EBF1: variants seen among roughly 807,000 people sequenced by gnomAD.
EBF1 encodes EBF transcription factor 1.
In EBF1, 10 loss-of-function variants were observed where a neutral mutation model predicts 68.4. That is an observed-to-expected ratio of 0.15 (90% CI 0.09 to 0.25). EBF1 has a LOEUF of 0.25. Ranked by LOEUF, EBF1 falls within the 10% of genes least tolerant of loss-of-function variation. The pLI is 1.00. For missense variants in EBF1, 509 were observed against 794.4 expected, an observed-to-expected ratio of 0.64 and a Z score of 4.32; for synonymous variants, 298 against 299.8, an observed-to-expected ratio of 0.99 and a Z score of 0.06.
intron 6 of EBF1, among the ~76,000 whole-genome samples, chr5:158,957,725 C>T (rs188506394): frequency 2.6e-5 from 4 of 152,328 alleles, no homozygotes; most frequent in East Asian, 3.9e-4. Flanking sequence ...CCCTATTCTG[C>T]CATGGACGCT....
At chr5:158,715,162 G>T (rs1445357927) in intron 11 of EBF1, among the ~76,000 whole-genome samples, 3 of 152,224 alleles carry the variant, frequency 2.0e-5, no homozygotes, top group Non-Finnish European at 2.9e-5. Flanking sequence ...AAACGTAAGG[G>T]TGTGGTAGGA....
chr5:158,741,341 G>A (rs1286632704), intron 10 of EBF1, among the ~76,000 whole-genome samples: 1 of 152,148 alleles, frequency 6.6e-6, no homozygotes, highest in African/African-American at 2.4e-5. Context: ...TTGGGAGGCT[G>A]AGGCAGAAGG....
chr5:159,089,603 T>TA (rs1781269399), intron 4 of EBF1, among the ~76,000 whole-genome samples: 1 of 152,148 alleles, frequency 6.6e-6, no homozygotes, highest in Non-Finnish European at 1.5e-5. Context: ...ACTTTTCTAA[T>TA]AGTTTTAACT....
rs956049730 is a variant in EBF1, at chr5:158,698,052, G to A, written c.*1059C>T. On this transcript the variant is annotated 3_prime_UTR_variant, in exon 16 of 16. Transcript: ENST00000313708. ...AAATGGTAAGGGTCGACTGATAGAG[G>A]CAGTATCTGGAATGGGAAAATCGAA... 8 of 216,096 alleles carry A rather than the reference G, an allele frequency of 3.7e-5. No homozygotes were observed. The highest frequency in any genetic ancestry group is 6.5e-5 in the Non-Finnish European group (7 of 107,346). The allele number at this position is 216,096 out of a possible 1,614,324, so 13.4% of individuals were successfully genotyped here.
At chr5:159,099,195 C>T in intron 1 of EBF1, 150 bp downstream of exon 1, 1 of 524,860 alleles carries the variant, frequency 1.9e-6, no homozygotes, top group Non-Finnish European at 2.8e-6. Context: ...CTGGAGAGCG[C>T]GGAGCCCCGG....
chr5:158,751,399 C>CT (rs1166391941), intron 10 of EBF1, among the ~76,000 whole-genome samples: 1 of 152,070 alleles, frequency 6.6e-6, no homozygotes, highest in Non-Finnish European at 1.5e-5. Context: ...ACTGATGCCT[C>CT]TTTGGAACCT....
chr5:158,926,650 G>A (rs1238728361), intron 6 of EBF1, among the ~76,000 whole-genome samples: 1 of 151,654 alleles, frequency 6.6e-6, no homozygotes, highest in Non-Finnish European at 1.5e-5. Flanking sequence ...CTTGAACCCA[G>A]GAGGCAGAGG....
At chr5:158,917,405 T>C (rs779410479) in intron 6 of EBF1, among the ~76,000 whole-genome samples, 1 of 152,212 alleles carries the variant, frequency 6.6e-6, no homozygotes, top group Non-Finnish European at 1.5e-5. Flanking sequence ...TACCCCCATC[T>C]GTAAACCTCC....
At chr5:158,948,213 A>G (rs924971091) in intron 6 of EBF1, among the ~76,000 whole-genome samples, 23 of 151,742 alleles carry the variant, frequency 1.5e-4, no homozygotes, top group Admixed American at 5.9e-4. Flanking sequence ...TGCTGGGGGG[A>G]GATCTGGGTT....
intron 5 of EBF1, chr5:159,073,686 G>C: frequency 1.9e-6 from 1 of 537,688 alleles, no homozygotes; most frequent in Non-Finnish European, 3.3e-6. Flanking sequence ...TGGGGGAGAG[G>C]GGCTCTCCCA....
intron 6 of EBF1, among the ~76,000 whole-genome samples, chr5:158,965,540 T>A (rs555670252): frequency 6.6e-6 from 1 of 152,338 alleles, no homozygotes; most frequent in African/African-American, 2.4e-5. Flanking sequence ...TAAATCACGG[T>A]GATTCACTTA....
intron 6 of EBF1, among the ~76,000 whole-genome samples, chr5:158,848,409 T>C (rs1791960451): frequency 6.6e-6 from 1 of 152,232 alleles, no homozygotes; most frequent in African/African-American, 2.4e-5. Context: ...TTCACTAGAT[T>C]ATAGCCAATT....
chr5:158,803,230 T>C (rs919557165), intron 8 of EBF1, among the ~76,000 whole-genome samples: 1 of 152,080 alleles, frequency 6.6e-6, no homozygotes, highest in Non-Finnish European at 1.5e-5. Flanking sequence ...TTTATCTCCT[T>C]AATTTTGGTG....
intron 6 of EBF1, among the ~76,000 whole-genome samples, chr5:158,943,422 A>T (rs1314418930): frequency 1.3e-5 from 2 of 152,126 alleles, no homozygotes; most frequent in Admixed American, 6.5e-5. Context: ...GCTCCTTTGG[A>T]TCTTAAAATC....
intron 10 of EBF1, among the ~76,000 whole-genome samples, chr5:158,731,647 A>C (rs1764114843): frequency 6.6e-6 from 1 of 152,216 alleles, no homozygotes; most frequent in African/African-American, 2.4e-5. Flanking sequence ...AGAGTAGAGG[A>C]GAGTGAGTAG....
intron 6 of EBF1, among the ~76,000 whole-genome samples, chr5:159,008,235 ATCTAT>A (rs1239280979): frequency 6.6e-6 from 1 of 152,256 alleles, no homozygotes; most frequent in African/African-American, 2.4e-5. Context: ...ATGTCTAGAA[ATCTAT>A]TCTAAGATTG....
intron 6 of EBF1, among the ~76,000 whole-genome samples, chr5:158,965,405 A>C (rs1753907424): frequency 6.6e-6 from 1 of 152,198 alleles, no homozygotes; most frequent in South Asian, 2.1e-4. Flanking sequence ...TATTTTCTGA[A>C]AGATCCCAAT....
chr5:158,720,813 T>A (rs1443618119), intron 11 of EBF1, among the ~76,000 whole-genome samples: 1 of 152,170 alleles, frequency 6.6e-6, no homozygotes, highest in Non-Finnish European at 1.5e-5. Context: ...AAATGAGGTA[T>A]AGGTAGCAAG....
At chr5:158,976,059 A>G (rs1756681042) in intron 6 of EBF1, among the ~76,000 whole-genome samples, 1 of 152,218 alleles carries the variant, frequency 6.6e-6, no homozygotes, top group African/African-American at 2.4e-5. Context: ...TCCAGCAAAG[A>G]GTACCTTCAA....
Sources: allele counts gnomAD v4.1 joint callset (sites outside exome capture counted in the v4.1 genomes callset), GRCh38; gene constraint gnomAD v4.1.1; transcripts MANE v1.5; gene names NCBI Gene and HGNC (gene_info 2026-07-23, HGNC 2026-07-21).